The following KLHL7 variants were observed in gnomAD, a reference collection of about 807,000 sequenced individuals.
The protein encoded by KLHL7 is kelch-like protein 7.
In KLHL7, 44 loss-of-function variants were observed where a neutral mutation model predicts 67.4. The observed-to-expected ratio is 0.65, with a 90% CI of 0.51 to 0.84. The LOEUF (loss-of-function observed/expected upper bound fraction) is 0.84, where lower values mean the gene tolerates loss of function less well. KLHL7 is among the 40% of genes least tolerant of loss of function. KLHL7 has a pLI of 0.00. For synonymous variants in KLHL7, 252 were observed against 243.3 expected (o/e 1.04, Z -0.33); for missense variants, 362 against 718.1 (o/e 0.50, Z 5.67).
intron 7 of KLHL7, among the ~76,000 whole-genome samples, chr7:23,164,558 A>T (rs539301549): frequency 6.6e-6 from 1 of 152,302 alleles, no homozygotes; most frequent in South Asian, 2.1e-4. Context: ...TGTTTATCAC[A>T]TTGTTTTGTG....
intron 5 of KLHL7, among the ~76,000 whole-genome samples, 191 bp downstream of exon 5, chr7:23,141,135 T>G (rs1784167721): frequency 6.6e-6 from 1 of 152,148 alleles, no homozygotes. Flanking sequence ...TTCATAGAGA[T>G]AAAGCCATTG....
At chr7:23,144,172 A>C (rs567081012) in intron 6 of KLHL7, 147 bp downstream of exon 6, 1 of 727,034 alleles carries the variant, frequency 1.4e-6, no homozygotes, top group Admixed American at 2.2e-5. Context: ...TGGGTTTCTG[A>C]ACTGTACACC....
intron 5 of KLHL7, among the ~76,000 whole-genome samples, chr7:23,142,995 T>C (rs1201145173): frequency 6.6e-6 from 1 of 152,196 alleles, no homozygotes; most frequent in Non-Finnish European, 1.5e-5. Flanking sequence ...GCAGGGTATG[T>C]GGAAACTCTT....
intron 4 of KLHL7, among the ~76,000 whole-genome samples, chr7:23,139,797 T>C: frequency 6.6e-6 from 1 of 152,212 alleles, no homozygotes; most frequent in East Asian, 1.9e-4. Context: ...GAGCAGACTT[T>C]TCCTGTAAAG....
intron 1 of KLHL7, among the ~76,000 whole-genome samples, chr7:23,111,634 A>G (rs1177530169): frequency 6.6e-6 from 1 of 152,100 alleles, no homozygotes; most frequent in Non-Finnish European, 1.5e-5. Context: ...CAGTCTGGCT[A>G]ACATGGTGAA....
At chr7:23,156,968 C>G (rs1177755313) in intron 7 of KLHL7, among the ~76,000 whole-genome samples, 1 of 152,088 alleles carries the variant, frequency 6.6e-6, no homozygotes, top group South Asian at 2.1e-4. Context: ...ACACATTTTC[C>G]TGTCAGAAAT....
chr7:23,176,887 T>C lies in KLHL7; in HGVS notation c.*2589T>C, dbSNP rs1178007071. The C allele has an allele frequency of 6.6e-6, 1 of 152,060 alleles. No homozygotes were observed. Among genetic ancestry groups the C allele is most frequent in the African/African-American group, 2.4e-5 (1 of 41,300 alleles). 9.4% of individuals were successfully genotyped at this position (152,060 alleles called of 1,614,324 possible). A position where few individuals can be genotyped will look rare whatever the true frequency, so the allele number is the denominator to read the frequency against. ...TACTCAGGAGGCTGAGGTAGGAGAA[T>C]TGCTTGAACCTGGGAGGCAGAGGTT... On this transcript the variant is annotated 3_prime_UTR_variant, in exon 11 of 11. Transcript: ENST00000339077.
intron 1 of KLHL7, among the ~76,000 whole-genome samples, chr7:23,120,217 C>T (rs1311894057): frequency 6.6e-6 from 1 of 151,982 alleles, no homozygotes; most frequent in Non-Finnish European, 1.5e-5. Context: ...ACCATGTTGC[C>T]CATGCTGACC....
At chr7:23,107,660 A>G (rs1434403906) in intron 1 of KLHL7, among the ~76,000 whole-genome samples, 1 of 152,250 alleles carries the variant, frequency 6.6e-6, no homozygotes, top group Non-Finnish European at 1.5e-5. Context: ...CCGTTACAAT[A>G]GAAGTACAAT....
Position 23,115,223 on chromosome 7 carries a change from T to A in KLHL7, c.121-8554T>A, listed in dbSNP as rs551094945. ...TGTTAGAACGTCCCTAGGATTGATATAAGAAGATCTCTCATCTCTGTACCA... is the reference window on the plus strand; with the variant it reads ...TGTTAGAACGTCCCTAGGATTGATAAAAGAAGATCTCTCATCTCTGTACCA... On this transcript the variant is annotated intron_variant, in intron 1 of 10. Coordinates refer to ENST00000339077, the MANE Select transcript of KLHL7 (RefSeq NM_001031710.3). 1.8e-4 allele frequency among the ~76,000 whole-genome samples: 28 copies of A among 152,366 alleles called. No homozygotes were observed. The South Asian group carries it at 4.1e-3, about 23-fold the overall frequency.
chr7:23,170,122 G>A (rs568538120), intron 9 of KLHL7, among the ~76,000 whole-genome samples: 19 of 152,340 alleles, frequency 1.2e-4, no homozygotes, highest in Middle Eastern at 3.4e-3. Context: ...GCTGAGGCAG[G>A]AGAATCATTT....
rs1487911067 is a variant in KLHL7 at position 23,175,952 on chromosome 7, C to CT, written c.*1655dup. The stretch of plus-strand genomic sequence containing the variant: ...CCCCAGCCTGGGCAACAGAGCAAGA[C>CT]TAAAAAAAAAAAAAAAAAAAAAAAA... On this transcript the variant is annotated 3_prime_UTR_variant, in exon 11 of 11. Transcript: ENST00000339077. 1.4e-4 allele frequency: 4 copies of CT among 28,436 alleles called. No homozygotes were observed. Among genetic ancestry groups the CT allele is most frequent in the Admixed American group, 7.9e-4 (2 of 2,520 alleles). The allele number at this position is 28,436 out of a possible 1,614,324, so 1.8% of individuals were successfully genotyped here. A position where few individuals can be genotyped will look rare whatever the true frequency, so the allele number is the denominator to read the frequency against.
chr7:23,136,184 A>G (rs1783970098), intron 4 of KLHL7, among the ~76,000 whole-genome samples: 3 of 152,258 alleles, frequency 2.0e-5, no homozygotes, highest in Admixed American at 2.0e-4. Context: ...GCACAAAATT[A>G]GAACATAATG....
chr7:23,171,382 G>A (rs1437820494), intron 9 of KLHL7, among the ~76,000 whole-genome samples: 1 of 152,136 alleles, frequency 6.6e-6, no homozygotes, highest in Non-Finnish European at 1.5e-5. Context: ...TATGTAAATG[G>A]AATTTTTCCA....
intron 5 of KLHL7, among the ~76,000 whole-genome samples, chr7:23,142,850 T>G (rs1424864242): frequency 6.6e-6 from 1 of 152,144 alleles, no homozygotes; most frequent in Non-Finnish European, 1.5e-5. Context: ...TTCTTTATAG[T>G]ATTGTGGAAC....
chr7:23,164,909 G>A (rs1017439944), intron 7 of KLHL7, among the ~76,000 whole-genome samples: 12 of 152,232 alleles, frequency 7.9e-5, no homozygotes, highest in Admixed American at 4.6e-4. Flanking sequence ...CAGGAACGCT[G>A]TAGCTTCCTA....
At chr7:23,116,441 T>C (rs1386005215) in intron 1 of KLHL7, among the ~76,000 whole-genome samples, 2 of 152,258 alleles carry the variant, frequency 1.3e-5, no homozygotes, top group Middle Eastern at 3.2e-3. Context: ...GCTATGTCTC[T>C]AGTGTTGCAT....
At chr7:23,140,975 A>G in intron 5 of KLHL7, 31 bp downstream of exon 5, 1 of 1,575,648 alleles carries the variant, frequency 6.3e-7, no homozygotes, top group Non-Finnish European at 8.7e-7. Context: ...CATTTTTCTT[A>G]ATAAAAATGT....
chr7:23,159,907 A>C (rs1169786017), intron 7 of KLHL7, among the ~76,000 whole-genome samples: 1 of 152,204 alleles, frequency 6.6e-6, no homozygotes, highest in Non-Finnish European at 1.5e-5. Flanking sequence ...AGTTATGTTC[A>C]TCTGACTCTT....
Sources: gnomAD v4.1 joint callset for allele counts (sites outside exome capture counted in the v4.1 genomes callset) on GRCh38, gnomAD v4.1.1 for gene constraint, MANE v1.5 for transcripts, NCBI Gene and HGNC (gene_info 2026-07-23, HGNC 2026-07-21) for gene names.